Variants in ST8SIA6 observed in about 807,000 individuals in gnomAD.
ST8SIA6 encodes ST8 alpha-N-acetyl-neuraminide alpha-2,8-sialyltransferase 6.
A neutral mutation model predicts 33.6 loss-of-function variants in ST8SIA6; 39 were observed. The ratio of observed to expected loss-of-function variants is 1.16; its 90% CI spans 0.90 to 1.52. ST8SIA6 has a LOEUF of 1.52. Among genes scored for constraint, ST8SIA6 ranks in the 40% most tolerant of loss-of-function variants. ST8SIA6 has a pLI of 0.00. For missense variants in ST8SIA6, 441 were observed against 443.8 expected, an observed-to-expected ratio of 0.99 and a Z score of 0.06; for synonymous variants, 172 against 167.2, an observed-to-expected ratio of 1.03 and a Z score of -0.22.
At chr10:17,336,148 C>A (rs12358831) in intron 4 of ST8SIA6, among the ~76,000 whole-genome samples, 1 of 151,718 alleles carries the variant, frequency 6.6e-6, no homozygotes, top group Admixed American at 6.6e-5. Flanking sequence ...GTAGAAATGG[C>A]GTTTTACCAC....
At chr10:17,439,722 G>A (rs1019968167) in intron 2 of ST8SIA6, among the ~76,000 whole-genome samples, 3 of 152,132 alleles carry the variant, frequency 2.0e-5, no homozygotes, top group African/African-American at 7.2e-5. Flanking sequence ...ATCCTAACAA[G>A]GCTCACTTTA....
At position 17,315,448 on chromosome 10, in the gene ST8SIA6, A is replaced by G. The variant is rs1229034621; in HGVS notation, c.*5430T>C. Among the ~76,000 whole-genome samples the G allele has an allele frequency of 6.6e-6, 1 of 152,042 alleles. No individual in the cohort carries two copies. The highest frequency in any genetic ancestry group is 1.5e-5 in the Non-Finnish European group (1 of 67,880). On this transcript the variant is annotated 3_prime_UTR_variant, in exon 8 of 8. Transcript: ENST00000377602. ...AATGTTCATGATACCTTTATTTGTAATAGCCAAAACCAGGAGATAGTAAAA... is the reference window on the plus strand; with the variant it reads ...AATGTTCATGATACCTTTATTTGTAGTAGCCAAAACCAGGAGATAGTAAAA...
chr10:17,425,982 C>G (rs1248815877), intron 2 of ST8SIA6, among the ~76,000 whole-genome samples: 1 of 152,214 alleles, frequency 6.6e-6, no homozygotes, highest in Non-Finnish European at 1.5e-5. Context: ...AGCCATCCTC[C>G]TTATCACAGG....
intron 3 of ST8SIA6, among the ~76,000 whole-genome samples, chr10:17,373,893 T>C (rs1849808890): frequency 6.6e-6 from 1 of 152,150 alleles, no homozygotes; most frequent in Non-Finnish European, 1.5e-5. Flanking sequence ...CAAGCCAGTG[T>C]TTCCATTTTT....
At chr10:17,329,781 C>A (rs1178665635) in intron 5 of ST8SIA6, among the ~76,000 whole-genome samples, 1 of 152,180 alleles carries the variant, frequency 6.6e-6, no homozygotes, top group Non-Finnish European at 1.5e-5. Flanking sequence ...AATTACAAAT[C>A]TCAACGTTTC....
Position 17,391,690 on chromosome 10 carries a change from C to A in ST8SIA6, c.201-1070G>T, listed in dbSNP as rs151164598. Among the ~76,000 whole-genome samples the A allele has an allele frequency of 3.4e-4, 51 of 152,100 alleles. 2 individuals are homozygous for A. The East Asian group carries it at 9.8e-3, about 29-fold the overall frequency. On this transcript the variant is annotated intron_variant, in intron 2 of 7. Coordinates refer to ENST00000377602, the MANE Select transcript of ST8SIA6 (RefSeq NM_001004470.3). ...ATAGCTGCAATATACTGGCCTGGTG[C>A]TATTTGTTTTATAAACTTTGAAAAT... is the stretch of plus-strand genomic sequence containing the variant.
At chr10:17,423,958 A>G (rs1183571027) in intron 2 of ST8SIA6, among the ~76,000 whole-genome samples, 1 of 152,256 alleles carries the variant, frequency 6.6e-6, no homozygotes, top group Non-Finnish European at 1.5e-5. Flanking sequence ...AAGGACAGAC[A>G]GATAGCAAAT....
chr10:17,333,690 TATATATATA>T (rs1848381495), intron 4 of ST8SIA6, among the ~76,000 whole-genome samples: 4 of 39,168 alleles, frequency 1.0e-4, no homozygotes, highest in South Asian at 1.1e-3. Context: ...TATATATATA[TATATATATA>T]TATATATATA....
At position 17,321,298 on chromosome 10, in the gene ST8SIA6, T is replaced by G; in HGVS notation, c.777A>C (p.Ala259=). ...GAAGAAAAAATGCATCTCCATAGGT[T>G]GCAATGTCCTCCAGAAATAGGGCTT... The part of the protein sequence containing the change: ...EKKALFLEDI[A]TYGDAFFLLP... Residue 259 remains alanine (A), a synonymous_variant, in exon 8 of 8, where the codon GCA becomes GCC. Coordinates refer to ENST00000377602, the MANE Select transcript of ST8SIA6 (RefSeq NM_001004470.3). 1 of 1,612,846 alleles carries G rather than the reference T, an allele frequency of 6.2e-7. No homozygotes were observed. The highest frequency in any genetic ancestry group is 8.5e-7 in the Non-Finnish European group (1 of 1,179,690).
intron 4 of ST8SIA6, 89 bp from the exon 5 acceptor site, chr10:17,331,641 T>C (rs1263334435): frequency 1.5e-6 from 2 of 1,338,154 alleles, no homozygotes; most frequent in East Asian, 5.2e-5. Flanking sequence ...GAAGAGGATT[T>C]TGCCAAACTG....
chr10:17,383,470 T>G (rs1398519595), intron 3 of ST8SIA6, among the ~76,000 whole-genome samples: 1 of 152,248 alleles, frequency 6.6e-6, no homozygotes, highest in Admixed American at 6.5e-5. Context: ...CTGATATACC[T>G]TAGTGTACCT....
At chr10:17,374,459 ATTATAGGCC>A (rs143864999) in intron 3 of ST8SIA6, among the ~76,000 whole-genome samples, 56,135 of 151,492 alleles carry the variant, frequency 0.37, 10,596 homozygotes, top group East Asian at 0.59. Context: ...CATGCCTATG[ATTATAGGCC>A]TCCCAGCACT....
At chr10:17,437,268 T>A (rs886200234) in intron 2 of ST8SIA6, among the ~76,000 whole-genome samples, 1 of 152,192 alleles carries the variant, frequency 6.6e-6, no homozygotes, top group Non-Finnish European at 1.5e-5. Flanking sequence ...CAAGCAATTC[T>A]TCTGCCTCAA....
chr10:17,415,713 G>A (rs1851583999), intron 2 of ST8SIA6, among the ~76,000 whole-genome samples: 2 of 151,642 alleles, frequency 1.3e-5, no homozygotes, highest in Admixed American at 1.3e-4. Context: ...GACATGCAGA[G>A]TGGAAAGAAA....
chr10:17,331,269 G>A, intron 5 of ST8SIA6, 139 bp downstream of exon 5: 1 of 1,003,882 alleles, frequency 1.0e-6, no homozygotes. Context: ...TTTAAAAAAT[G>A]GCTCACTGTC....
At chr10:17,425,840 T>C (rs143647969) in intron 2 of ST8SIA6, among the ~76,000 whole-genome samples, 86 of 151,678 alleles carry the variant, frequency 5.7e-4, no homozygotes, top group African/African-American at 2.1e-3. Flanking sequence ...GGAGATACGG[T>C]GGTATAAGGC....
chr10:17,333,686 T>G (rs12776775), intron 4 of ST8SIA6, among the ~76,000 whole-genome samples: 14 of 19,344 alleles, frequency 7.2e-4, no homozygotes, highest in African/African-American at 2.0e-3. Context: ...TATATATATA[T>G]ATATATATAT....
intron 2 of ST8SIA6, among the ~76,000 whole-genome samples, chr10:17,447,815 T>TA (rs113502759): frequency 0.026 from 4,029 of 152,170 alleles, 68 homozygotes; most frequent in African/African-American, 0.037. Context: ...TATTAAAATT[T>TA]AAAAAAAATT....
chr10:17,318,912 G>C lies in ST8SIA6; in HGVS notation c.*1966C>G, dbSNP rs1014002752. 6.6e-6 allele frequency among the ~76,000 whole-genome samples: 1 copy of C among 152,118 alleles called. No individual in the cohort carries two copies. The highest frequency in any genetic ancestry group is 2.4e-5 in the African/African-American group (1 of 41,432). ...GAACATTATTGGCACCTCACAGCAG[G>C]ATATATGGAAGGTGGGATATATGCC... is the stretch of plus-strand genomic sequence containing the variant. On this transcript the variant is annotated 3_prime_UTR_variant, in exon 8 of 8. Transcript: ENST00000377602.
Sources: gnomAD v4.1 joint callset for allele counts (sites outside exome capture counted in the v4.1 genomes callset) on GRCh38, gnomAD v4.1.1 for gene constraint, MANE v1.5 for transcripts, NCBI Gene and HGNC (gene_info 2026-07-23, HGNC 2026-07-21) for gene names.